The following CAPN9 variants were observed in gnomAD, a reference collection of about 807,000 sequenced individuals.
The protein encoded by CAPN9 is calpain 9.
In CAPN9, 81 loss-of-function variants were observed where a neutral mutation model predicts 92.8. The observed-to-expected ratio is 0.87, with a 90% CI of 0.73 to 1.05. CAPN9 has a LOEUF of 1.05. Ranked by LOEUF, CAPN9 falls within the 50% of genes least tolerant of loss-of-function variation. The probability of loss-of-function intolerance (pLI) is 0.00; values close to 1 mark genes in which losing one functional copy is unlikely to be tolerated. For missense variants in CAPN9, 848 were observed against 866.2 expected, an observed-to-expected ratio of 0.98 and a Z score of 0.26; for synonymous variants, 304 against 328.0, an observed-to-expected ratio of 0.93 and a Z score of 0.79.
At chr1:230,801,481 A>G in intron 19 of CAPN9, 89 bp from the exon 20 acceptor site, 1 of 1,222,508 alleles carries the variant, frequency 8.2e-7, no homozygotes, top group Non-Finnish European at 1.2e-6. Flanking sequence ...ATCTCCTGTG[A>G]TATCAGCAAA....
chr1:230,764,346 G>A (rs1665830260), intron 4 of CAPN9, among the ~76,000 whole-genome samples: 1 of 152,214 alleles, frequency 6.6e-6, no homozygotes, highest in African/African-American at 2.4e-5. Flanking sequence ...ATATTCCCCT[G>A]CTCTTGGACA....
rs144792927 is a variant in CAPN9, at chr1:230,753,020, T to C, written c.214-2317T>C. ...GCTCAGCTCAGAGCCACCTGCAAAC[T>C]CCTGCGCTAGCCAAGGTGGAGGAGG... On this transcript the variant is annotated intron_variant, in intron 1 of 19. Coordinates refer to ENST00000271971, the MANE Select transcript of CAPN9 (RefSeq NM_006615.3). 3.1e-3 allele frequency among the ~76,000 whole-genome samples: 465 copies of C among 152,248 alleles called. 6 individuals are homozygous for C. The highest frequency in any genetic ancestry group is 0.011 in the African/African-American group (447 of 41,536).
At chr1:230,754,029 G>C (rs968811008) in intron 1 of CAPN9, among the ~76,000 whole-genome samples, 7 of 151,948 alleles carry the variant, frequency 4.6e-5, no homozygotes, top group African/African-American at 1.5e-4. Flanking sequence ...AAACTCTCCT[G>C]AACGAAACAA....
At chr1:230,774,784 C>CAGGCTGG (rs1248063026) in intron 8 of CAPN9, among the ~76,000 whole-genome samples, 153 bp downstream of exon 8, 1 of 145,314 alleles carries the variant, frequency 6.9e-6, no homozygotes, top group East Asian at 2.0e-4. Context: ...TCTTATTGCC[C>CAGGCTGG]AGGCTGGAGT....
At chr1:230,776,929 C>T (rs1300811785) in intron 8 of CAPN9, 3 of 152,192 alleles carry the variant, frequency 2.0e-5, no homozygotes, top group Non-Finnish European at 4.4e-5. Context: ...CCTCGGGAAC[C>T]ATGAGGGTTT....
intron 11 of CAPN9, among the ~76,000 whole-genome samples, chr1:230,780,921 A>G (rs1667175597): frequency 1.3e-5 from 2 of 151,656 alleles, no homozygotes; most frequent in African/African-American, 4.8e-5. Context: ...GCTGGAGTGC[A>G]ATGGTGCCAT....
chr1:230,790,851 T>A (rs1667933545), intron 14 of CAPN9, among the ~76,000 whole-genome samples: 1 of 152,168 alleles, frequency 6.6e-6, no homozygotes, highest in South Asian at 2.1e-4. Context: ...CTCGGGAAGC[T>A]GTGGCAGGAG....
At chr1:230,786,647 G>A (rs180805452) in intron 12 of CAPN9, among the ~76,000 whole-genome samples, 19 of 152,246 alleles carry the variant, frequency 1.2e-4, no homozygotes, top group East Asian at 3.9e-4. Context: ...TGGCCTTCCC[G>A]AGCTCTATTT....
At chr1:230,768,237 TAAATAAATAAC>T (rs1016831903) in intron 5 of CAPN9, among the ~76,000 whole-genome samples, 2 of 152,030 alleles carry the variant, frequency 1.3e-5, no homozygotes, top group Non-Finnish European at 2.9e-5. Flanking sequence ...CTGTCTCTAA[TAAATAAATAAC>T]AAATAAAACA....
intron 13 of CAPN9, 130 bp from the exon 14 acceptor site, chr1:230,790,002 G>T: frequency 3.0e-6 from 2 of 666,516 alleles, no homozygotes; most frequent in Non-Finnish European, 5.2e-6. Flanking sequence ...AGGTACATCT[G>T]CCCACAGCAG....
At chr1:230,763,790 G>A (rs1665793357) in intron 4 of CAPN9, among the ~76,000 whole-genome samples, 2 of 152,226 alleles carry the variant, frequency 1.3e-5, no homozygotes, top group Non-Finnish European at 2.9e-5. Flanking sequence ...CAGAATTAAA[G>A]CCATCAAATA....
At position 230,800,232 on chromosome 1, in the gene CAPN9, A is replaced by AAAAAAGAC. The variant is rs1358373165; in HGVS notation, c.2047-1337_2047-1336insAAAAGACA. Among the ~76,000 whole-genome samples the AAAAAAGAC allele has an allele frequency of 2.9e-3, 28 of 9,532 alleles. 1 individual carries two copies. Among genetic ancestry groups the AAAAAAGAC allele is most frequent in the African/African-American group, 0.01 (27 of 2,676 alleles). The allele number at this position is 9,532 out of a possible 152,430, so 6.3% of individuals were successfully genotyped here. ...AAAGAAAGAAAAATAAGAAAGAAAG[A>AAAAAAGAC]AGAAAGAAAGAAAGAAAGAAAGAAA... is the stretch of plus-strand genomic sequence containing the variant. On this transcript the variant is annotated intron_variant, in intron 19 of 19. Coordinates refer to ENST00000271971, the MANE Select transcript of CAPN9 (RefSeq NM_006615.3).
At chr1:230,762,892 G>T in intron 4 of CAPN9, 106 bp downstream of exon 4, 2 of 1,241,590 alleles carry the variant, frequency 1.6e-6, no homozygotes, top group Non-Finnish European at 2.2e-6. Flanking sequence ...CTCTGGGTTT[G>T]CAGGTGAGGC....
chr1:230,758,819 A>T (rs183348713), intron 2 of CAPN9, among the ~76,000 whole-genome samples: 1 of 152,318 alleles, frequency 6.6e-6, no homozygotes, highest in African/African-American at 2.4e-5. Flanking sequence ...GGCATCTGAG[A>T]CACTGTGAGG....
At chr1:230,793,378 G>T (rs1377788702) in intron 17 of CAPN9, among the ~76,000 whole-genome samples, 1 of 152,196 alleles carries the variant, frequency 6.6e-6, no homozygotes, top group Non-Finnish European at 1.5e-5. Flanking sequence ...TGCCACCTGT[G>T]GCCCTGTCCC....
At position 230,801,659 on chromosome 1, in the gene CAPN9, A is replaced by G; in HGVS notation, c.*63A>G. On this transcript the variant is annotated 3_prime_UTR_variant, in exon 20 of 20. Coordinates refer to ENST00000271971, the MANE Select transcript of CAPN9 (RefSeq NM_006615.3). ...TTGGCTTCTGGACCTTGACCTTCAGAACTTCTCTTGGTGTGGAACCATTAC... is the reference window on the plus strand; with the variant it reads ...TTGGCTTCTGGACCTTGACCTTCAGGACTTCTCTTGGTGTGGAACCATTAC... The G allele has an allele frequency of 6.8e-7, 1 of 1,478,590 alleles. No homozygotes were observed. Among genetic ancestry groups the G allele is most frequent in the Non-Finnish European group, 9.5e-7 (1 of 1,056,398 alleles). 91.6% of individuals were successfully genotyped at this position (1,478,590 alleles called of 1,614,324 possible). A position where few individuals can be genotyped will look rare whatever the true frequency, so the allele number is the denominator to read the frequency against.
chr1:230,801,646 C>T lies in CAPN9; in HGVS notation c.*50C>T, dbSNP rs747950539. ...GCCCAGCTGAATCTTGGCTTCTGGA[C>T]CTTGACCTTCAGAACTTCTCTTGGT... On this transcript the variant is annotated 3_prime_UTR_variant, in exon 20 of 20. Coordinates refer to ENST00000271971, the MANE Select transcript of CAPN9 (RefSeq NM_006615.3). 2.6e-6 allele frequency: 4 copies of T among 1,563,122 alleles called. No homozygotes were observed. The highest frequency in any genetic ancestry group is 1.7e-5 in the Admixed American group (1 of 59,958).
chr1:230,777,150 A>G (rs910491689), intron 8 of CAPN9, among the ~76,000 whole-genome samples: 2 of 152,204 alleles, frequency 1.3e-5, no homozygotes, highest in African/African-American at 4.8e-5. Flanking sequence ...GGTAGAAACC[A>G]GAGTTTGAGA....
Position 230,787,504 on chromosome 1 carries a change from T to C in CAPN9, c.1519-18T>C. On this transcript the variant is annotated intron_variant, in intron 12 of 19. Coordinates refer to ENST00000271971, the MANE Select transcript of CAPN9 (RefSeq NM_006615.3). Reference sequence around the variant, plus strand: ...TTTTGTGGATCATTTTGTGCAAGTTTCTTTGGCTGTTTTTTAGCCTCCAAA... The same window carrying C: ...TTTTGTGGATCATTTTGTGCAAGTTCCTTTGGCTGTTTTTTAGCCTCCAAA... 1 of 1,608,892 alleles carries C rather than the reference T, an allele frequency of 6.2e-7. No individual in the cohort carries two copies. The highest frequency in any genetic ancestry group is 8.5e-7 in the Non-Finnish European group (1 of 1,175,412).
Sources: allele counts gnomAD v4.1 joint callset (sites outside exome capture counted in the v4.1 genomes callset), GRCh38; gene constraint gnomAD v4.1.1; transcripts MANE v1.5; gene names NCBI Gene and HGNC (gene_info 2026-07-23, HGNC 2026-07-21).